Variants in IFNAR2 observed in about 807,000 individuals in gnomAD.
IFNAR2 encodes interferon alpha and beta receptor subunit 2.
In IFNAR2, 30 loss-of-function variants were observed where a neutral mutation model predicts 49.4. The ratio of observed to expected loss-of-function variants is 0.61; its 90% confidence interval spans 0.45 to 0.82. IFNAR2 has a LOEUF of 0.82. IFNAR2 is among the 40% of genes least tolerant of loss of function. IFNAR2 has a pLI of 0.00. For synonymous variants in IFNAR2, 224 were observed against 234.5 expected (o/e 0.96, Z 0.41); for missense variants, 600 against 622.7 (o/e 0.96, Z 0.39).
chr21:33,240,112 C>G (rs1216197684), intron 1 of IFNAR2, among the ~76,000 whole-genome samples: 4 of 152,150 alleles, frequency 2.6e-5, no homozygotes, highest in Non-Finnish European at 5.9e-5. Context: ...AGATTCTATA[C>G]TCTCCCTTCT....
intron 7 of IFNAR2, among the ~76,000 whole-genome samples, chr21:33,259,089 C>T (rs1325740809): frequency 1.3e-5 from 2 of 151,964 alleles, no homozygotes; most frequent in African/African-American, 4.8e-5. Flanking sequence ...ATTACCAACC[C>T]CGTTGCTCAG....
In IFNAR2 at chr21:33,263,044, C is replaced by T. The variant is rs117810077; in HGVS notation, c.1092C>T (p.Ser364=). The T allele has an allele frequency of 1.5e-3, 2,373 of 1,614,146 alleles. 17 individuals carry two copies. In the Admixed American group the frequency reaches 0.021, roughly 15 times the overall value. The change falls in exon 9 of 9, where the codon TCC becomes TCT. Residue 364 remains serine, a synonymous_variant. Transcript: ENST00000342136. ...AATCCCAGTTGATAGACCCGGAGTCCGAGGAGGAGCCTGACCTGCCTGAGG... is the reference window on the plus strand; with the variant it reads ...AATCCCAGTTGATAGACCCGGAGTCTGAGGAGGAGCCTGACCTGCCTGAGG... The part of the protein sequence containing the change: ...STESQLIDPE[S]EEEPDLPEVD...
intron 7 of IFNAR2, among the ~76,000 whole-genome samples, chr21:33,253,505 A>G (rs1988004593): frequency 6.6e-6 from 1 of 152,194 alleles, no homozygotes; most frequent in African/African-American, 2.4e-5. Context: ...GCCCTTCTAA[A>G]TGTCCCAACC....
rs1485826064 is a variant in IFNAR2, at chr21:33,229,989, C to T, written c.-311C>T. The T allele has an allele frequency of 1.0e-6, 1 of 984,530 alleles. No individual in the cohort carries two copies. Among genetic ancestry groups the T allele is most frequent in the Non-Finnish European group, 1.2e-6 (1 of 829,712 alleles). The allele number at this position is 984,530 out of a possible 1,614,324, so 61.0% of individuals were successfully genotyped here. A position where few individuals can be genotyped will look rare whatever the true frequency, so the allele number is the denominator to read the frequency against. On this transcript the variant is annotated 5_prime_UTR_variant, in exon 1 of 9. Transcript: ENST00000342136. The stretch of plus-strand genomic sequence containing the variant: ...GGCGCGCGCACCCGCACTAAAGACG[C>T]TTCTTCCCGGCGGGTAGGAATCCCG...
intron 1 of IFNAR2, among the ~76,000 whole-genome samples, chr21:33,239,731 C>G (rs1295506792): frequency 6.6e-6 from 1 of 151,026 alleles, no homozygotes; most frequent in Non-Finnish European, 1.5e-5. Context: ...TTGTGATCTG[C>G]AGGTTCTGTA....
At chr21:33,231,459 GAA>G (rs1986058708) in intron 1 of IFNAR2, among the ~76,000 whole-genome samples, 1 of 151,910 alleles carries the variant, frequency 6.6e-6, no homozygotes, top group Admixed American at 6.6e-5. Flanking sequence ...TGTATTTATT[GAA>G]AAGTTAAAGA....
chr21:33,254,345 A>G (rs1299882762), intron 7 of IFNAR2, among the ~76,000 whole-genome samples: 3 of 152,240 alleles, frequency 2.0e-5, no homozygotes, highest in African/African-American at 7.2e-5. Flanking sequence ...TTGTAGCACT[A>G]ATACCAGCAT....
rs767884225 is a variant in IFNAR2, at chr21:33,263,465, G to A, written c.1513G>A (p.Asp505Asn). The A allele has an allele frequency of 6.2e-7, 1 of 1,613,172 alleles. No individual in the cohort carries two copies. Among genetic ancestry groups the A allele is most frequent in the Non-Finnish European group, 8.5e-7 (1 of 1,179,530 alleles). Residue 505 changes from aspartate to asparagine, a missense_variant, in exon 9 of 9, where the codon GAT becomes AAT. Asp to Asn is a conservative substitution (Grantham distance 23). Coordinates refer to ENST00000342136, the MANE Select transcript of IFNAR2 (RefSeq NM_001289125.3). ...PSDQSDTSES[D>N]VDLGDGYIMR is the part of the protein sequence containing the mutation. ...TGATCAAAGTGACACTTCTGAGTCA[G>A]ATGTTGACCTTGGGGATGGTTATAT...
intron 7 of IFNAR2, among the ~76,000 whole-genome samples, chr21:33,254,798 C>T (rs1208642697): frequency 6.6e-6 from 1 of 152,186 alleles, no homozygotes; most frequent in Non-Finnish European, 1.5e-5. Flanking sequence ...TTATGTCTCC[C>T]TAAAATGTAT....
At chr21:33,240,694 T>C (rs1195671661) in intron 1 of IFNAR2, among the ~76,000 whole-genome samples, 1 of 151,924 alleles carries the variant, frequency 6.6e-6, no homozygotes, top group African/African-American at 2.4e-5. Context: ...CACATACCTG[T>C]AGTCTCAGCT....
In IFNAR2 at chr21:33,262,630, G is replaced by A. The variant is rs72547466; in HGVS notation, c.841-163G>A. On this transcript the variant is annotated intron_variant, in intron 8 of 8. Transcript: ENST00000342136. ...GTGCAGTCATAATGCACTACAGTCT[G>A]AAACTCCTGAGCTCAAACAGTCGTC... The A allele has an allele frequency of 4.4e-5, 44 of 1,000,856 alleles. No homozygotes were observed. In the African/African-American group the frequency reaches 6.4e-4, roughly 15 times the overall value. 62.0% of individuals were successfully genotyped at this position (1,000,856 alleles called of 1,614,324 possible).
rs1401539343 is a variant in IFNAR2 at position 33,230,677 on chromosome 21, G to A, written c.-84+461G>A. The A allele has an allele frequency of 1.1e-5, 5 of 449,362 alleles. No individual in the cohort carries two copies. In the East Asian group the frequency reaches 2.2e-4, roughly 20 times the overall value. The allele number at this position is 449,362 out of a possible 1,614,324, so 27.8% of individuals were successfully genotyped here. A position where few individuals can be genotyped will look rare whatever the true frequency, so the allele number is the denominator to read the frequency against. On this transcript the variant is annotated intron_variant, in intron 1 of 8. Coordinates refer to ENST00000342136, the MANE Select transcript of IFNAR2 (RefSeq NM_001289125.3). The surrounding 1 kb of genome is among the most constrained non-coding windows in gnomAD (Gnocchi z 5.5). The stretch of plus-strand genomic sequence containing the variant: ...CAGCCCGCCCCCTTGAGGTCCCCTG[G>A]GATTAGCCCCCCTCGACCTGCGTCA...
Position 33,242,758 on chromosome 21 carries a change from C to CGTGT in IFNAR2, c.55+824_55+827dup, listed in dbSNP as rs375640331. ...AAAAAAAAAAAAAAAATCTCGTGTGCGTGTGTGTGTGTGTGTGTGTGTGTG... is the reference window on the plus strand; with the variant it reads ...AAAAAAAAAAAAAAAATCTCGTGTGCGTGTGTGTGTGTGTGTGTGTGTGTGTGTG... On this transcript the variant is annotated intron_variant, in intron 2 of 8. Coordinates refer to ENST00000342136, the MANE Select transcript of IFNAR2 (RefSeq NM_001289125.3). Among the ~76,000 whole-genome samples, 37 of 76,564 alleles carry CGTGT rather than the reference C, an allele frequency of 4.8e-4. 3 individuals are homozygous for CGTGT. The highest frequency in any genetic ancestry group is 4.7e-3 in the East Asian group (13 of 2,740). The allele number at this position is 76,564 out of a possible 152,430, so 50.2% of individuals were successfully genotyped here. A position where few individuals can be genotyped will look rare whatever the true frequency, so the allele number is the denominator to read the frequency against.
At chr21:33,231,809 T>C (rs1350484214) in intron 1 of IFNAR2, 1 of 345,654 alleles carries the variant, frequency 2.9e-6, no homozygotes, top group African/African-American at 2.2e-5. Flanking sequence ...TGGCACTGTC[T>C]TGGCTCACTG....
rs370292682 is a variant in IFNAR2 at position 33,264,407 on chromosome 21, C to G, written c.*907C>G. 7 of 152,064 alleles carry G rather than the reference C, an allele frequency of 4.6e-5. No homozygotes were observed. In the East Asian group the frequency reaches 9.7e-4, roughly 21 times the overall value. 9.4% of individuals were successfully genotyped at this position (152,064 alleles called of 1,614,324 possible). On this transcript the variant is annotated 3_prime_UTR_variant, in exon 9 of 9. Transcript: ENST00000342136. ...GGAATTCCACCTTGTCCAGCCCTCC[C>G]CAGTTAAAGTGGGGAAGACAGACTT...
chr21:33,243,752 A>G (rs781343793), intron 3 of IFNAR2, 38 bp downstream of exon 3: 1 of 1,453,848 alleles, frequency 6.9e-7, no homozygotes, highest in South Asian at 1.1e-5. Flanking sequence ...ATTTTGTATA[A>G]GAGTGAAAGT....
At chr21:33,242,005 T>TA in intron 2 of IFNAR2, 28 bp downstream of exon 2, 1 of 1,604,404 alleles carries the variant, frequency 6.2e-7, no homozygotes, top group Non-Finnish European at 8.5e-7. Context: ...TCTTAGCTCT[T>TA]ATAGAAGCAA....
intron 7 of IFNAR2, among the ~76,000 whole-genome samples, chr21:33,255,126 A>G (rs1988118920): frequency 6.6e-6 from 1 of 152,202 alleles, no homozygotes. Flanking sequence ...AGTTATTTTT[A>G]TGTCAGCAAA....
At chr21:33,235,124 A>C (rs1281260056) in intron 1 of IFNAR2, among the ~76,000 whole-genome samples, 3 of 152,224 alleles carry the variant, frequency 2.0e-5, no homozygotes, top group African/African-American at 7.2e-5. Context: ...TATTGTAATT[A>C]GCATATGATA....
Sources: gnomAD v4.1 joint callset for allele counts (sites outside exome capture counted in the v4.1 genomes callset) on GRCh38, gnomAD v4.1.1 for gene constraint, Gnocchi (gnomAD v3.1) non-coding constraint, MANE v1.5 for transcripts, NCBI Gene and HGNC (gene_info 2026-07-23, HGNC 2026-07-21) for gene names.